Variants in DNAJC10 observed in about 807,000 individuals in gnomAD.
The protein encoded by DNAJC10 is endoplasmic reticulum disulfide reductase DNAJC10.
DNAJC10 carries 101 observed loss-of-function variants against 115.0 expected under a neutral mutation model. That is an observed-to-expected ratio of 0.88 (90% CI 0.75 to 1.04). The LOEUF (loss-of-function observed/expected upper bound fraction) is 1.04, where lower values mean the gene tolerates loss of function less well. Among genes scored for constraint, DNAJC10 ranks in the 50% least tolerant of loss-of-function variants. The probability of loss-of-function intolerance (pLI) is 0.00; values close to 1 mark genes in which losing one functional copy is unlikely to be tolerated. For missense variants in DNAJC10, 981 were observed against 928.8 expected (o/e 1.06, Z -0.73); for synonymous variants, 307 against 301.5 (o/e 1.02, Z -0.19).
In DNAJC10 at chr2:182,756,442, A is replaced by C. The variant is rs1161191738; in HGVS notation, c.1782A>C (p.Leu594Phe). 1 of 1,613,896 alleles carries C rather than the reference A, an allele frequency of 6.2e-7. No individual in the cohort carries two copies. Among genetic ancestry groups the C allele is most frequent in the Admixed American group, 1.7e-5 (1 of 59,960 alleles). ...YSPWCHPCQVLMPEWKRMART... is the reference protein window; with the variant it reads ...YSPWCHPCQVFMPEWKRMART... ...CGTGGTGTCATCCTTGCCAAGTCTT[A>C]ATGCCAGAATGGAAAAGAATGGCCC... Residue 594 changes from leucine to phenylalanine, a missense_variant, in exon 18 of 24, where the codon TTA becomes TTC. Transcript: ENST00000264065.
rs145211611 is a variant in DNAJC10 at position 182,772,041 on chromosome 2, A to G, written c.2266-3275A>G. The stretch of plus-strand genomic sequence containing the variant: ...TGTGTCTTTGTTGCCATTGGTTTCA[A>G]AGAACATCTTTATTTCTGCCTTCAT... On this transcript the variant is annotated intron_variant, in intron 22 of 23. Transcript: ENST00000264065. Among the ~76,000 whole-genome samples, 789 of 152,306 alleles carry G rather than the reference A, an allele frequency of 5.2e-3. 8 individuals carry two copies. Among genetic ancestry groups the G allele is most frequent in the African/African-American group, 0.018 (745 of 41,564 alleles).
rs1317822325 is a variant in DNAJC10, at chr2:182,755,081, G to T, written c.1630G>T (p.Glu544Ter). 6.2e-7 allele frequency: 1 copy of T among 1,605,448 alleles called. No homozygotes were observed. The highest frequency in any genetic ancestry group is 8.5e-7 in the Non-Finnish European group (1 of 1,172,398). ...IHEYEGHHSA[E>*]QILEFIEDLM... ...TGAGTATGAAGGACATCACTCTGCT[G>T]AACAAATCTTGGAGTTCATAGAGGT... is the stretch of plus-strand genomic sequence containing the variant. Residue 544 changes from glutamate (E) to a stop codon, truncating the protein, a stop_gained, in exon 17 of 24, where the codon GAA becomes TAA. Coordinates refer to ENST00000264065, the MANE Select transcript of DNAJC10 (RefSeq NM_018981.4). LOFTEE classifies it high-confidence loss of function.
intron 17 of DNAJC10, 139 bp downstream of exon 17, chr2:182,755,243 T>C: frequency 1.6e-6 from 1 of 631,098 alleles, no homozygotes; most frequent in Non-Finnish European, 2.8e-6. Flanking sequence ...TTAAAGAATT[T>C]TTCTAATGTT....
chr2:182,748,516 G>A lies in DNAJC10; in HGVS notation c.1307-3142G>A, dbSNP rs576731602. ...CTTCTAGATTTTCTAGTTTATTTGC[G>A]TAGAGGTGTTTGTAGTATTCTCTGA... On this transcript the variant is annotated intron_variant, in intron 14 of 23. Coordinates refer to ENST00000264065, the MANE Select transcript of DNAJC10 (RefSeq NM_018981.4). 3.0e-3 allele frequency among the ~76,000 whole-genome samples: 460 copies of A among 152,148 alleles called. 1 individual carries two copies. The highest frequency in any genetic ancestry group is 6.8e-3 in the South Asian group (33 of 4,818).
chr2:182,767,121 T>G (rs1694432913), intron 22 of DNAJC10, among the ~76,000 whole-genome samples: 1 of 152,126 alleles, frequency 6.6e-6, no homozygotes, highest in Non-Finnish European at 1.5e-5. Flanking sequence ...GAGTGGAATC[T>G]CTCCCTTTAA....
chr2:182,764,695 A>G (rs1228919575), intron 22 of DNAJC10, among the ~76,000 whole-genome samples: 1 of 152,164 alleles, frequency 6.6e-6, no homozygotes, highest in Non-Finnish European at 1.5e-5. Context: ...ACAAATCAAG[A>G]CTATGTCGGT....
chr2:182,769,155 G>A (rs1048169285), intron 22 of DNAJC10, among the ~76,000 whole-genome samples: 14 of 151,928 alleles, frequency 9.2e-5, no homozygotes, highest in South Asian at 2.1e-4. Context: ...GGACATGAAC[G>A]CATCCTTTTT....
chr2:182,735,131 A>G (rs1693552428), intron 10 of DNAJC10, among the ~76,000 whole-genome samples: 1 of 151,530 alleles, frequency 6.6e-6, no homozygotes, highest in African/African-American at 2.4e-5. Context: ...CTTTTGGATT[A>G]AGCAAGTGAT....
intron 11 of DNAJC10, among the ~76,000 whole-genome samples, 167 bp downstream of exon 11, chr2:182,736,553 A>G (rs778599732): frequency 2.6e-5 from 4 of 152,190 alleles, no homozygotes; most frequent in Non-Finnish European, 5.9e-5. Context: ...TTTTTAATAC[A>G]TGCTTCAAAT....
rs574231254 is a variant in DNAJC10, at chr2:182,775,569, A to G, written c.2370+149A>G. On this transcript the variant is annotated intron_variant, in intron 23 of 23. Transcript: ENST00000264065. ...TGAAAATTCTACTTTGGGAAATAGG[A>G]CAATCAAAATGTAGCCTAGACACTG... The G allele has an allele frequency of 1.3e-4, 75 of 564,960 alleles. 1 individual carries two copies. Among genetic ancestry groups the G allele is most frequent in the South Asian group, 1.0e-3 (37 of 35,662 alleles). The allele number at this position is 564,960 out of a possible 1,614,324, so 35.0% of individuals were successfully genotyped here.
At chr2:182,724,513 C>T (rs575369431) in intron 5 of DNAJC10, among the ~76,000 whole-genome samples, 1 of 152,262 alleles carries the variant, frequency 6.6e-6, no homozygotes, top group Admixed American at 6.5e-5. Flanking sequence ...GACATTAAAA[C>T]ATGCATGGTA....
chr2:182,747,313 A>G (rs1475096505), intron 14 of DNAJC10, among the ~76,000 whole-genome samples: 1 of 152,138 alleles, frequency 6.6e-6, no homozygotes, highest in Non-Finnish European at 1.5e-5. Flanking sequence ...TCTGTAAATT[A>G]CCTTGGGCAG....
intron 19 of DNAJC10, 126 bp from the exon 20 acceptor site, chr2:182,758,711 G>C: frequency 1.5e-6 from 1 of 683,286 alleles, no homozygotes; most frequent in South Asian, 1.9e-5. Flanking sequence ...GTATATTTGA[G>C]AAGAGAGATA....
intron 8 of DNAJC10, chr2:182,730,570 T>C (rs1693418293): frequency 2.2e-6 from 1 of 452,040 alleles, no homozygotes; most frequent in Non-Finnish European, 4.4e-6. Flanking sequence ...AACAACCCAG[T>C]TGGGGAAAAG....
intron 14 of DNAJC10, among the ~76,000 whole-genome samples, chr2:182,744,943 A>G (rs1187781539): frequency 1.3e-5 from 2 of 152,128 alleles, no homozygotes; most frequent in Non-Finnish European, 2.9e-5. Context: ...CTCTGTGCTT[A>G]CTGCTTTGTT....
At chr2:182,750,268 G>C (rs2105664801) in intron 14 of DNAJC10, among the ~76,000 whole-genome samples, 1 of 152,248 alleles carries the variant, frequency 6.6e-6, no homozygotes, top group East Asian at 1.9e-4. Context: ...GATTAGTTAA[G>C]GAAGACTGGG....
chr2:182,750,648 A>T (rs924348305), intron 14 of DNAJC10, among the ~76,000 whole-genome samples: 1 of 152,242 alleles, frequency 6.6e-6, no homozygotes, highest in Non-Finnish European at 1.5e-5. Context: ...CATCTAGGCT[A>T]TACAGTATAG....
chr2:182,733,693 T>TA (rs1693509035), intron 10 of DNAJC10, among the ~76,000 whole-genome samples: 1 of 150,208 alleles, frequency 6.7e-6, no homozygotes, highest in Admixed American at 6.6e-5. Context: ...TCTCAATTTT[T>TA]TTTTTTTTTT....
At chr2:182,751,581 G>A in intron 14 of DNAJC10, 77 bp from the exon 15 acceptor site, 6 of 1,460,730 alleles carry the variant, frequency 4.1e-6, no homozygotes, top group Non-Finnish European at 5.6e-6. Flanking sequence ...AGTATTCTGA[G>A]TATTAAAACT....
Sources: gnomAD v4.1 joint callset for allele counts (sites outside exome capture counted in the v4.1 genomes callset) on GRCh38, gnomAD v4.1.1 for gene constraint, MANE v1.5 for transcripts, NCBI Gene and HGNC (gene_info 2026-07-23, HGNC 2026-07-21) for gene names.